FER: variants seen among roughly 807,000 people sequenced by gnomAD.
FER encodes the protein FER tyrosine kinase, also known as tyrosine-protein kinase Fer.
A neutral mutation model predicts 111.0 loss-of-function variants in FER; 63 were observed. The ratio of observed to expected loss-of-function variants is 0.57; its 90% CI spans 0.46 to 0.70. FER has a LOEUF of 0.70. Among genes scored for constraint, FER ranks in the 30% least tolerant of loss-of-function variants. The pLI is 0.00. For missense variants in FER, 914 were observed against 954.0 expected, an observed-to-expected ratio of 0.96 and a Z score of 0.55; for synonymous variants, 327 against 313.9, an observed-to-expected ratio of 1.04 and a Z score of -0.44.
chr5:109,035,939 T>A (rs1194915077), intron 13 of FER, among the ~76,000 whole-genome samples: 2 of 152,196 alleles, frequency 1.3e-5, no homozygotes, highest in Non-Finnish European at 2.9e-5. Context: ...CTGATGTTCT[T>A]ACTGGCTATT....
chr5:109,081,655 A>G (rs1245164128), intron 16 of FER, among the ~76,000 whole-genome samples: 1 of 152,088 alleles, frequency 6.6e-6, no homozygotes, highest in Non-Finnish European at 1.5e-5. Flanking sequence ...AATAGTTGTC[A>G]GTGGTAGTAC....
intron 10 of FER, among the ~76,000 whole-genome samples, chr5:108,925,781 A>G (rs988439760): frequency 6.6e-6 from 1 of 152,086 alleles, no homozygotes; most frequent in Non-Finnish European, 1.5e-5. Flanking sequence ...ATATTATTGG[A>G]TAAGTACTGT....
At chr5:108,981,565 GA>G (rs1762018508) in intron 13 of FER, among the ~76,000 whole-genome samples, 1 of 152,024 alleles carries the variant, frequency 6.6e-6, no homozygotes, top group South Asian at 2.1e-4. Flanking sequence ...GCATAGTCCT[GA>G]GACCTTAGAG....
At chr5:109,124,298 A>T (rs10037370) in intron 17 of FER, among the ~76,000 whole-genome samples, 33,293 of 152,204 alleles carry the variant, frequency 0.22, 3,752 homozygotes, top group Middle Eastern at 0.26. Context: ...ATAATAAGCA[A>T]TTGGAAGGAA....
intron 13 of FER, among the ~76,000 whole-genome samples, chr5:109,016,529 G>A (rs1401209700): frequency 6.6e-6 from 1 of 152,026 alleles, no homozygotes; most frequent in Admixed American, 6.6e-5. Context: ...ATACACACTT[G>A]TGTACTTTTT....
intron 16 of FER, among the ~76,000 whole-genome samples, chr5:109,048,127 A>G (rs757865735): frequency 4.6e-5 from 7 of 152,154 alleles, no homozygotes; most frequent in Non-Finnish European, 1.0e-4. Context: ...TTTTAATTAA[A>G]ATATATTAAG....
intron 17 of FER, among the ~76,000 whole-genome samples, chr5:109,165,104 G>A (rs896322290): frequency 3.9e-5 from 6 of 152,100 alleles, no homozygotes; most frequent in Non-Finnish European, 8.8e-5. Context: ...ATGAATTCTT[G>A]TCTTTTGTTG....
At chr5:109,180,027 G>A (rs1758124183) in intron 17 of FER, among the ~76,000 whole-genome samples, 1 of 152,186 alleles carries the variant, frequency 6.6e-6, no homozygotes, top group African/African-American at 2.4e-5. Flanking sequence ...AGGCAAAGCG[G>A]AACAGCTAAG....
At chr5:109,111,382 G>A (rs1398762285) in intron 17 of FER, among the ~76,000 whole-genome samples, 3 of 151,802 alleles carry the variant, frequency 2.0e-5, no homozygotes, top group Non-Finnish European at 4.4e-5. Flanking sequence ...TATTATGTTT[G>A]GTATAAAAAA....
At chr5:108,905,445 G>A (rs536947791) in intron 10 of FER, among the ~76,000 whole-genome samples, 237 of 152,244 alleles carry the variant, frequency 1.6e-3, no homozygotes, top group Non-Finnish European at 2.7e-3. Flanking sequence ...AATAAAAGGA[G>A]AGAGAAGATA....
chr5:109,166,039 G>T (rs1385301534), intron 17 of FER, among the ~76,000 whole-genome samples: 12 of 152,034 alleles, frequency 7.9e-5, no homozygotes, highest in Admixed American at 7.9e-4. Flanking sequence ...AGTTGTTTCA[G>T]CAATGCTTCT....
chr5:109,175,501 GA>G lies in FER; in HGVS notation c.2049-5242del, dbSNP rs141241220. ...GATCTGAAACTATAAAACTACTTCAGAAAACATAGGAGAAATGCTTCAGGAC... is the reference window on the plus strand; with the variant it reads ...GATCTGAAACTATAAAACTACTTCAGAAACATAGGAGAAATGCTTCAGGAC... On this transcript the variant is annotated intron_variant, in intron 17 of 19. Transcript: ENST00000281092. Among the ~76,000 whole-genome samples, 1,207 of 152,192 alleles carry G rather than the reference GA, an allele frequency of 7.9e-3. 16 individuals are homozygous for G. Among genetic ancestry groups the G allele is most frequent in the African/African-American group, 0.027 (1,140 of 41,522 alleles).
Position 108,840,451 on chromosome 5 carries a change from C to T in FER, c.481+4644C>T, listed in dbSNP as rs185002036. 5.8e-4 allele frequency among the ~76,000 whole-genome samples: 89 copies of T among 152,190 alleles called. 1 individual carries two copies. The highest frequency in any genetic ancestry group is 3.2e-3 in the Admixed American group (49 of 15,296). On this transcript the variant is annotated intron_variant, in intron 5 of 19. Coordinates refer to ENST00000281092, the MANE Select transcript of FER (RefSeq NM_005246.4). ...TGAACCAGGATCTGATCAAAGTAAA[C>T]ATACCACATTTGATTGTTGTGTCTG...
chr5:109,004,683 AT>A (rs1765264931), intron 13 of FER, among the ~76,000 whole-genome samples: 1 of 152,190 alleles, frequency 6.6e-6, no homozygotes, highest in African/African-American at 2.4e-5. Context: ...ATTACAGAGC[AT>A]TATAGTGTTG....
In FER at chr5:109,195,442, T is replaced by C. The variant is rs1363398693; in HGVS notation, c.*7867T>C. 6.6e-6 allele frequency: 1 copy of C among 152,202 alleles called. No homozygotes were observed. The highest frequency in any genetic ancestry group is 1.5e-5 in the Non-Finnish European group (1 of 68,040). The allele number at this position is 152,202 out of a possible 1,614,324, so 9.4% of individuals were successfully genotyped here. ...CAATGGAATTCACTATTTTTGGCTTTAGTGTCAAAGAGATTGGTTCTACAA... is the reference window on the plus strand; with the variant it reads ...CAATGGAATTCACTATTTTTGGCTTCAGTGTCAAAGAGATTGGTTCTACAA... On this transcript the variant is annotated 3_prime_UTR_variant, in exon 20 of 20. Coordinates refer to ENST00000281092, the MANE Select transcript of FER (RefSeq NM_005246.4).
At chr5:108,850,236 G>A (rs1379711855) in intron 5 of FER, among the ~76,000 whole-genome samples, 1 of 149,166 alleles carries the variant, frequency 6.7e-6, no homozygotes, top group Non-Finnish European at 1.5e-5. Flanking sequence ...TTTTGAGCTT[G>A]TTTTTTTTTC....
chr5:108,930,185 A>G (rs1487409241), intron 10 of FER, among the ~76,000 whole-genome samples: 2 of 151,598 alleles, frequency 1.3e-5, no homozygotes, highest in African/African-American at 4.9e-5. Context: ...AACTTAAAAA[A>G]ATGTTTTGTA....
chr5:108,885,301 T>G (rs1240350940), intron 9 of FER, among the ~76,000 whole-genome samples: 1 of 151,974 alleles, frequency 6.6e-6, no homozygotes, highest in African/African-American at 2.4e-5. Context: ...TGGTTCACTC[T>G]TAGTATTCTT....
intron 11 of FER, among the ~76,000 whole-genome samples, chr5:108,954,346 A>T (rs984893101): frequency 6.6e-6 from 1 of 152,140 alleles, no homozygotes; most frequent in African/African-American, 2.4e-5. Context: ...AAATAACTCA[A>T]CTTTTCATTT....
Sources: gnomAD v4.1 joint callset for allele counts (sites outside exome capture counted in the v4.1 genomes callset) on GRCh38, gnomAD v4.1.1 for gene constraint, MANE v1.5 for transcripts, NCBI Gene and HGNC (gene_info 2026-07-23, HGNC 2026-07-21) for gene names.